The following NHSL3 variants were observed in gnomAD, a reference collection of about 807,000 sequenced individuals.
NHSL3 encodes the protein NHS-like protein 3.
the NHSL3 span, chr1:32,742,178 G>A: frequency 5.6e-6 from 7 of 1,248,444 alleles, no homozygotes; most frequent in Non-Finnish European, 7.0e-6. Context: ...AGGGCCAAGG[G>A]CAAAGGCCGA....
the NHSL3 span, chr1:32,772,799 G>T: frequency 2.0e-6 from 3 of 1,472,554 alleles, no homozygotes; most frequent in East Asian, 6.8e-5. Context: ...ATGCTTTGTT[G>T]GGCTCCTAGT....
chr1:32,757,450 G>C, the NHSL3 span, among the ~76,000 whole-genome samples: 2 of 151,886 alleles, frequency 1.3e-5, no homozygotes, highest in Non-Finnish European at 2.9e-5. Flanking sequence ...CAGGGTGGGG[G>C]TTGTGGGAGT....
the NHSL3 span, chr1:32,765,890 A>G: frequency 6.9e-7 from 1 of 1,446,422 alleles, no homozygotes; most frequent in Non-Finnish European, 9.4e-7. Context: ...CCAGACCCTT[A>G]TGTAGAATGA....
At chr1:32,742,127 C>T in the NHSL3 span, 7 of 1,246,406 alleles carry the variant, frequency 5.6e-6, no homozygotes, top group Non-Finnish European at 7.0e-6. Flanking sequence ...GGCGCCGAAC[C>T]GGCCGCCCCC....
the NHSL3 span, among the ~76,000 whole-genome samples, chr1:32,750,226 C>T: frequency 5.9e-5 from 9 of 152,120 alleles, no homozygotes; most frequent in South Asian, 1.5e-3. Flanking sequence ...CCTCCCCCAT[C>T]GTTAGTTATA....
chr1:32,770,674 C>G, the NHSL3 span: 4 of 1,526,414 alleles, frequency 2.6e-6, no homozygotes, highest in Non-Finnish European at 3.5e-6. This position sits in a 1 kb window ranked among gnomAD's most constrained non-coding sequence, Gnocchi z 8.3. Context: ...GCGGCCTCCA[C>G]CCCCTCCCCG....
chr1:32,767,801 G>C, the NHSL3 span: 6 of 1,610,992 alleles, frequency 3.7e-6, no homozygotes, highest in Non-Finnish European at 4.2e-6. Context: ...TGCCAAGGCT[G>C]AGAATGACAA....
At chr1:32,772,723 G>T in the NHSL3 span, 2 of 877,252 alleles carry the variant, frequency 2.3e-6, no homozygotes, top group South Asian at 2.9e-5. Flanking sequence ...AACATGTGTA[G>T]GGTGTCCAGC....
At chr1:32,765,847 G>A in the NHSL3 span, 3 of 1,540,436 alleles carry the variant, frequency 1.9e-6, no homozygotes, top group South Asian at 3.6e-5. Context: ...TGTGGCTTGG[G>A]GGGAGGGGAG....
At chr1:32,770,862 C>G in the NHSL3 span, 1 of 1,608,722 alleles carries the variant, frequency 6.2e-7, no homozygotes, top group Non-Finnish European at 8.5e-7. The surrounding 1 kb of genome is among the most constrained non-coding windows in gnomAD (Gnocchi z 8.3). Flanking sequence ...GGGTACCTGG[C>G]TTGTCTCCGG....
the NHSL3 span, among the ~76,000 whole-genome samples, chr1:32,755,170 G>A: frequency 1.3e-5 from 2 of 152,238 alleles, no homozygotes; most frequent in Admixed American, 6.5e-5. Flanking sequence ...AGGGGCTATC[G>A]AGAGTGCCTA....
chr1:32,756,414 A>C, the NHSL3 span, among the ~76,000 whole-genome samples: 1 of 137,594 alleles, frequency 7.3e-6, no homozygotes, highest in Non-Finnish European at 1.5e-5. Flanking sequence ...GGAGGCCGAG[A>C]TGGGAGGATA....
the NHSL3 span, among the ~76,000 whole-genome samples, chr1:32,762,530 A>G: frequency 1.3e-5 from 2 of 150,120 alleles, no homozygotes; most frequent in African/African-American, 4.9e-5. Context: ...TGGTACAATT[A>G]TAGCTCACTG....
the NHSL3 span, chr1:32,742,177 G>A: frequency 1.6e-6 from 2 of 1,248,010 alleles, no homozygotes; most frequent in Admixed American, 4.2e-5. Context: ...GAGGGCCAAG[G>A]GCAAAGGCCG....
chr1:32,771,856 G>C, the NHSL3 span: 1 of 1,600,818 alleles, frequency 6.2e-7, no homozygotes, highest in Non-Finnish European at 8.5e-7. Context: ...GCGCTCCGTG[G>C]GTGCTCCAGG....
chr1:32,757,773 G>C, the NHSL3 span, among the ~76,000 whole-genome samples: 3 of 152,310 alleles, frequency 2.0e-5, no homozygotes, highest in East Asian at 5.8e-4. Context: ...GGAGATGGCT[G>C]AATCTGGATT....
chr1:32,762,978 A>ATT, the NHSL3 span, among the ~76,000 whole-genome samples: 439 of 126,136 alleles, frequency 3.5e-3, 3 homozygotes, highest in African/African-American at 4.0e-3. Flanking sequence ...CTAGCCTGGA[A>ATT]TTTTTTTTTT....
At chr1:32,767,088 C>T in the NHSL3 span, among the ~76,000 whole-genome samples, 3 of 152,142 alleles carry the variant, frequency 2.0e-5, no homozygotes, top group African/African-American at 7.2e-5. Flanking sequence ...TGGTCTGCAT[C>T]CCCCCTAGGA....
chr1:32,768,254 G>A, the NHSL3 span: 2 of 739,196 alleles, frequency 2.7e-6, no homozygotes, highest in Admixed American at 2.2e-5. Flanking sequence ...GCTAGTTCAG[G>A]GTTGCTCAGT....
Sources: allele counts gnomAD v4.1 joint callset (sites outside exome capture counted in the v4.1 genomes callset), GRCh38; gene constraint gnomAD v4.1.1; non-coding constraint Gnocchi (gnomAD v3.1); transcripts MANE v1.5; gene names NCBI Gene and HGNC (gene_info 2026-07-23, HGNC 2026-07-21).